Variants in TGDS observed in about 807,000 individuals in gnomAD.
The protein encoded by TGDS is TDP-glucose 4,6-dehydratase.
In TGDS, 47 loss-of-function variants were observed where a neutral mutation model predicts 52.3. That is an observed-to-expected ratio of 0.90 (90% confidence interval 0.71 to 1.15). The LOEUF (loss-of-function observed/expected upper bound fraction) is 1.15, where lower values mean the gene tolerates loss of function less well. TGDS is among the 50% of genes most tolerant of loss of function. TGDS has a pLI of 0.00. For synonymous variants in TGDS, 115 were observed against 136.9 expected, an observed-to-expected ratio of 0.84 and a Z score of 1.12; for missense variants, 375 against 418.4, an observed-to-expected ratio of 0.90 and a Z score of 0.90.
chr13:94,589,699 G>A (rs1889124876), intron 4 of TGDS, among the ~76,000 whole-genome samples: 1 of 152,150 alleles, frequency 6.6e-6, no homozygotes, highest in African/African-American at 2.4e-5. Flanking sequence ...AATCTTATTA[G>A]TAATCAGGGA....
chr13:94,580,752 C>T (rs1260511589), intron 6 of TGDS, among the ~76,000 whole-genome samples: 1 of 152,238 alleles, frequency 6.6e-6, no homozygotes, highest in Non-Finnish European at 1.5e-5. Context: ...AAGAGGTCGG[C>T]CCTAATTTGT....
At position 94,583,175 on chromosome 13, in the gene TGDS, CA is replaced by C. The variant is rs867976910; in HGVS notation, c.374del (p.Leu125TrpfsTer2). Reference protein sequence around the residue: ...TYVNVYGTHVLVSAAHEARVE... With the variant: ...TYVNVYGTHVXVSAAHEARVE... ...CTCTGGCTTCATGAGCAGCACTTACCAAAACGTGAGTGCCATAAACATTAAC... is the reference window on the plus strand; with the variant it reads ...CTCTGGCTTCATGAGCAGCACTTACCAAACGTGAGTGCCATAAACATTAAC... On this transcript the variant is annotated frameshift_variant, in exon 5 of 12. Coordinates refer to ENST00000261296, the MANE Select transcript of TGDS (RefSeq NM_014305.4). LOFTEE classifies it high-confidence loss of function. The C allele has an allele frequency of 1.9e-6, 3 of 1,613,816 alleles. No individual in the cohort carries two copies. The African/African-American group carries it at 4.0e-5, about 22-fold the overall frequency.
intron 4 of TGDS, among the ~76,000 whole-genome samples, chr13:94,590,117 T>C (rs1333376754): frequency 1.3e-5 from 2 of 150,006 alleles, no homozygotes; most frequent in African/African-American, 4.9e-5. Context: ...TCCAACTCCA[T>C]GGATTAATCT....
At chr13:94,589,855 G>C (rs899907774) in intron 4 of TGDS, among the ~76,000 whole-genome samples, 1 of 152,050 alleles carries the variant, frequency 6.6e-6, no homozygotes, top group Admixed American at 6.6e-5. Flanking sequence ...TAATTACTTT[G>C]GAACATGTTT....
At chr13:94,581,333 CAT>C in intron 5 of TGDS, 144 bp from the exon 6 acceptor site, 1 of 509,090 alleles carries the variant, frequency 2.0e-6, no homozygotes, top group Non-Finnish European at 3.4e-6. Flanking sequence ...TTCCCAAGGA[CAT>C]GTGGTAACTT....
chr13:94,583,213 C>A lies in TGDS; in HGVS notation c.337G>T (p.Glu113Ter), dbSNP rs778886182. 1.2e-6 allele frequency: 2 copies of A among 1,613,580 alleles called. No homozygotes were observed. Among genetic ancestry groups the A allele is most frequent in the South Asian group, 2.2e-5 (2 of 90,942 alleles). The change falls in exon 5 of 12, where the codon GAG becomes TAG. Residue 113 changes from glutamate to a stop codon, truncating the protein, a stop_gained. Coordinates refer to ENST00000261296, the MANE Select transcript of TGDS (RefSeq NM_014305.4). LOFTEE classifies it high-confidence loss of function. Reference sequence around the variant, plus strand: ...CCATAAACATTAACATAGGTAAACTCAAAGGCACGTACGAATGAAAGATCT... The same window carrying A: ...CCATAAACATTAACATAGGTAAACTAAAAGGCACGTACGAATGAAAGATCT... ...HVDLSFVRAF[E>*]FTYVNVYGTH...
chr13:94,583,569 A>C (rs1255757423), intron 4 of TGDS, among the ~76,000 whole-genome samples: 1 of 152,198 alleles, frequency 6.6e-6, no homozygotes, highest in Non-Finnish European at 1.5e-5. Context: ...TAGGCTTTTT[A>C]AGATCAATCT....
In TGDS at chr13:94,585,073, T is replaced by C. The variant is rs77462040; in HGVS notation, c.314-1837A>G. ...ATGTATAAGGAAAACTTTTTTTTTT[T>C]CTCTCTCTCTCTGTTGCCCAGGCTG... is the stretch of plus-strand genomic sequence containing the variant. On this transcript the variant is annotated intron_variant, in intron 4 of 11. Transcript: ENST00000261296. Among the ~76,000 whole-genome samples, 22 of 151,228 alleles carry C rather than the reference T, an allele frequency of 1.5e-4. No homozygotes were observed. The South Asian group carries it at 2.9e-3, about 20-fold the overall frequency.
At position 94,574,396 on chromosome 13, in the gene TGDS, T is replaced by C. The variant is rs2139508971; in HGVS notation, c.*386A>G. 6.2e-6 allele frequency: 1 copy of C among 162,354 alleles called. No homozygotes were observed. Among genetic ancestry groups the C allele is most frequent in the Middle Eastern group, 2.9e-3 (1 of 348 alleles). 10.1% of individuals were successfully genotyped at this position (162,354 alleles called of 1,614,324 possible). A position where few individuals can be genotyped will look rare whatever the true frequency, so the allele number is the denominator to read the frequency against. On this transcript the variant is annotated 3_prime_UTR_variant, in exon 12 of 12. Coordinates refer to ENST00000261296, the MANE Select transcript of TGDS (RefSeq NM_014305.4). ...AATTAGGGCCTAAGACATCCTATAT[T>C]GCCTAAAAACGAACATTTCAGAGAC...
chr13:94,581,237 T>C (rs1249873149), intron 5 of TGDS, 48 bp from the exon 6 acceptor site: 2 of 1,277,368 alleles, frequency 1.6e-6, no homozygotes, highest in African/African-American at 3.0e-5. Flanking sequence ...ATATTTTAAG[T>C]ATAGAAATCA....
At position 94,593,977 on chromosome 13, in the gene TGDS, G is replaced by A. The variant is rs879110952; in HGVS notation, c.87-70C>T. ...CCTAAACTCTTGAATATTTTCCTAA[G>A]GTGTTGAGTACTAGGAAAATACTCA... On this transcript the variant is annotated intron_variant, in intron 1 of 11. Coordinates refer to ENST00000261296, the MANE Select transcript of TGDS (RefSeq NM_014305.4). The A allele has an allele frequency of 1.6e-5, 15 of 950,448 alleles. 1 individual carries two copies. In the African/African-American group the frequency reaches 2.0e-4, roughly 13 times the overall value. 58.9% of individuals were successfully genotyped at this position (950,448 alleles called of 1,614,324 possible).
rs570688841 is a variant in TGDS, at chr13:94,579,335, T to C, written c.615+559A>G. The stretch of plus-strand genomic sequence containing the variant: ...TTATATAAAATCAGGCTTGATGATA[T>C]AGAGCCAATTGCACAGGCATTTTCA... On this transcript the variant is annotated intron_variant, in intron 7 of 11. Coordinates refer to ENST00000261296, the MANE Select transcript of TGDS (RefSeq NM_014305.4). 4.6e-5 allele frequency: 7 copies of C among 152,700 alleles called. No individual in the cohort carries two copies. The East Asian group carries it at 1.2e-3, about 25-fold the overall frequency. The allele number at this position is 152,700 out of a possible 1,614,324, so 9.5% of individuals were successfully genotyped here. A position where few individuals can be genotyped will look rare whatever the true frequency, so the allele number is the denominator to read the frequency against.
intron 6 of TGDS, among the ~76,000 whole-genome samples, 163 bp downstream of exon 6, chr13:94,580,928 C>T (rs988062166): frequency 2.6e-5 from 4 of 151,888 alleles, no homozygotes; most frequent in African/African-American, 9.7e-5. Context: ...CACTTGAGGT[C>T]AGGAGTTCGA....
At position 94,574,870 on chromosome 13, in the gene TGDS, A is replaced by C; in HGVS notation, c.983-18T>G. Reference sequence around the variant, plus strand: ...CCATTCAACTAATAGGAAAAAACAAAAGACAAAAAAAAAAAAGAAAAGAAA... The same window carrying C: ...CCATTCAACTAATAGGAAAAAACAACAGACAAAAAAAAAAAAGAAAAGAAA... On this transcript the variant is annotated intron_variant, in intron 11 of 11. Transcript: ENST00000261296. The C allele has an allele frequency of 2.1e-6, 3 of 1,456,750 alleles. No individual in the cohort carries two copies. The highest frequency in any genetic ancestry group is 2.8e-6 in the Non-Finnish European group (3 of 1,078,714). The allele number at this position is 1,456,750 out of a possible 1,614,324, so 90.2% of individuals were successfully genotyped here.
chr13:94,596,244 G>T (rs1594463176), upstream of TGDS: 7 of 1,246,598 alleles, frequency 5.6e-6, no homozygotes, highest in African/African-American at 1.5e-5. Context: ...CACGTTAACA[G>T]AGCAGCCAGA....
chr13:94,583,270 T>C lies in TGDS; in HGVS notation c.314-34A>G, dbSNP rs1888865576. 6 of 1,599,714 alleles carry C rather than the reference T, an allele frequency of 3.8e-6. No homozygotes were observed. The African/African-American group carries it at 5.4e-5, about 14-fold the overall frequency. ...AAAGAGTGAAAAGCTAAAACAAGTC[T>C]ACCCAACGGATAAAACAAATGCCAA... is the stretch of plus-strand genomic sequence containing the variant. On this transcript the variant is annotated intron_variant, in intron 4 of 11. Transcript: ENST00000261296.
At chr13:94,590,675 T>C (rs1013338076) in intron 4 of TGDS, among the ~76,000 whole-genome samples, 178 bp downstream of exon 4, 14 of 152,178 alleles carry the variant, frequency 9.2e-5, no homozygotes, top group Admixed American at 7.2e-4. Context: ...ATTTCACTAA[T>C]ATAGCCTTGC....
chr13:94,584,959 C>T (rs1005352734), intron 4 of TGDS, among the ~76,000 whole-genome samples: 1 of 152,172 alleles, frequency 6.6e-6, no homozygotes, highest in Non-Finnish European at 1.5e-5. Context: ...GAAACCAACT[C>T]ATTATAGTAA....
rs1181560124 is a variant in TGDS at position 94,576,385 on chromosome 13, A to G, written c.911T>C (p.Met304Thr). 6.2e-7 allele frequency: 1 copy of G among 1,601,048 alleles called. No homozygotes were observed. Among genetic ancestry groups the G allele is most frequent in the Admixed American group, 1.7e-5 (1 of 58,698 alleles). ...DRPTNDMRYPMKSEKIHGLGW... is the reference protein window; with the variant it reads ...DRPTNDMRYPTKSEKIHGLGW... The stretch of plus-strand genomic sequence containing the variant: ...TAAGCCATGTATTTTTTCTGACTTC[A>G]TTGGGTATCTCATGTCATTGGTGGG... Residue 304 changes from methionine (M) to threonine (T), a missense_variant, in exon 11 of 12, where the codon ATG becomes ACG. Coordinates refer to ENST00000261296, the MANE Select transcript of TGDS (RefSeq NM_014305.4).
Sources: gnomAD v4.1 joint callset for allele counts (sites outside exome capture counted in the v4.1 genomes callset) on GRCh38, gnomAD v4.1.1 for gene constraint, MANE v1.5 for transcripts, NCBI Gene and HGNC (gene_info 2026-07-23, HGNC 2026-07-21) for gene names.